Variants in USP37 observed in about 807,000 individuals in gnomAD.
USP37 encodes ubiquitin carboxyl-terminal hydrolase 37.
A neutral mutation model predicts 124.0 loss-of-function variants in USP37; 27 were observed. That is an observed-to-expected ratio of 0.22 (90% confidence interval 0.16 to 0.30). The LOEUF is 0.30. USP37 is among the 10% of genes least tolerant of loss of function. The pLI is 1.00. For synonymous variants in USP37, 365 were observed against 388.0 expected (o/e 0.94, Z 0.70); for missense variants, 889 against 1,140.4 (o/e 0.78, Z 3.17).
chr2:218,523,324 T>G (rs889898396), intron 10 of USP37, among the ~76,000 whole-genome samples: 64 of 152,302 alleles, frequency 4.2e-4, no homozygotes, highest in African/African-American at 1.4e-3. Flanking sequence ...TGGTTGATCA[T>G]CCCTAATCTG....
At chr2:218,526,303 C>T (rs1690960520) in intron 10 of USP37, among the ~76,000 whole-genome samples, 2 of 151,968 alleles carry the variant, frequency 1.3e-5, no homozygotes, top group Non-Finnish European at 2.9e-5. Context: ...GCAATCTTGG[C>T]TCACTGCAAC....
At chr2:218,525,688 A>G (rs1338223687) in intron 10 of USP37, among the ~76,000 whole-genome samples, 1 of 151,996 alleles carries the variant, frequency 6.6e-6, no homozygotes, top group Non-Finnish European at 1.5e-5. Context: ...TTACAATATA[A>G]ATTTTTTTCT....
intron 20 of USP37, among the ~76,000 whole-genome samples, chr2:218,470,892 G>A (rs760576827): frequency 9.9e-5 from 15 of 152,160 alleles, no homozygotes; most frequent in Non-Finnish European, 1.9e-4. Flanking sequence ...AAAGCAAGAT[G>A]GTGCCTGCCC....
rs1689532173 is a variant in USP37 at position 218,453,095 on chromosome 2, G to A, written c.*1835C>T. 6.6e-6 allele frequency: 1 copy of A among 152,184 alleles called. No homozygotes were observed. The highest frequency in any genetic ancestry group is 1.5e-5 in the Non-Finnish European group (1 of 68,040). The allele number at this position is 152,184 out of a possible 1,614,324, so 9.4% of individuals were successfully genotyped here. On this transcript the variant is annotated 3_prime_UTR_variant, in exon 26 of 26. Coordinates refer to ENST00000258399, the MANE Select transcript of USP37 (RefSeq NM_020935.3). ...GGAGGCAAAGCATTTATCAGTAGTT[G>A]AGCAAAACTGCTGAGGCCATTTATA...
intron 23 of USP37, among the ~76,000 whole-genome samples, chr2:218,459,500 C>T (rs539875106): frequency 9.7e-4 from 147 of 152,324 alleles, no homozygotes; most frequent in Non-Finnish European, 1.8e-3. Flanking sequence ...CCACCATGCC[C>T]GGCCAACTAA....
chr2:218,462,848 A>G (rs527359120), intron 22 of USP37, among the ~76,000 whole-genome samples: 43 of 152,186 alleles, frequency 2.8e-4, no homozygotes, highest in African/African-American at 8.7e-4. Flanking sequence ...GTTACTTCTA[A>G]GGTTCTATTT....
intron 8 of USP37, among the ~76,000 whole-genome samples, chr2:218,537,874 C>T (rs1464972854): frequency 1.3e-5 from 2 of 152,156 alleles, no homozygotes; most frequent in South Asian, 2.1e-4. Context: ...TGGCATACTA[C>T]TCTTGGCATA....
intron 10 of USP37, among the ~76,000 whole-genome samples, chr2:218,520,445 G>A (rs1690545873): frequency 6.6e-6 from 1 of 151,036 alleles, no homozygotes. Context: ...CACCTCCCAG[G>A]TTCAAGCGAT....
At chr2:218,510,192 T>C (rs1349729390) in intron 10 of USP37, 52 bp from the exon 11 acceptor site, 1 of 1,567,668 alleles carries the variant, frequency 6.4e-7, no homozygotes, top group Admixed American at 2.0e-5. Context: ...TGAATACTAC[T>C]ATTTTCCTTG....
chr2:218,463,564 C>T (rs1690146321), intron 21 of USP37, among the ~76,000 whole-genome samples, 198 bp from the exon 22 acceptor site: 1 of 119,826 alleles, frequency 8.3e-6, no homozygotes, highest in South Asian at 2.7e-4. Flanking sequence ...GAGACGGAGT[C>T]TCGCTCTGTC....
At chr2:218,546,328 A>T in intron 7 of USP37, 30 bp from the exon 8 acceptor site, 3 of 1,524,894 alleles carry the variant, frequency 2.0e-6, no homozygotes, top group Non-Finnish European at 2.7e-6. Flanking sequence ...GGTTACTTTT[A>T]AAAAGCCACA....
intron 4 of USP37, among the ~76,000 whole-genome samples, chr2:218,557,717 A>AG (rs1693080128): frequency 6.9e-6 from 1 of 145,568 alleles, no homozygotes; most frequent in Non-Finnish European, 1.5e-5. Flanking sequence ...TCACGAGGTC[A>AG]GGAGTTCAAG....
chr2:218,552,718 A>T (rs1692733130), intron 5 of USP37, among the ~76,000 whole-genome samples: 1 of 152,192 alleles, frequency 6.6e-6, no homozygotes, highest in Non-Finnish European at 1.5e-5. Flanking sequence ...ATACCATGTG[A>T]TTTTTTTACA....
Position 218,562,813 on chromosome 2 carries a change from G to A in USP37, c.-229C>T, listed in dbSNP as rs1230644221. The stretch of plus-strand genomic sequence containing the variant: ...CAGTTCTCCGGAAGCCATCAACTCA[G>A]CTAAAGAAAATAAAAATGTGCTTTT... On this transcript the variant is annotated splice_region_variant and 5_prime_UTR_variant, in exon 2 of 26. Coordinates refer to ENST00000258399, the MANE Select transcript of USP37 (RefSeq NM_020935.3). The A allele has an allele frequency of 5.0e-6, 2 of 398,270 alleles. No homozygotes were observed. Among genetic ancestry groups the A allele is most frequent in the Non-Finnish European group, 8.8e-6 (2 of 226,008 alleles). 24.7% of individuals were successfully genotyped at this position (398,270 alleles called of 1,614,324 possible). A position where few individuals can be genotyped will look rare whatever the true frequency, so the allele number is the denominator to read the frequency against.
At chr2:218,488,264 TA>T (rs1484657607) in intron 15 of USP37, 39 bp downstream of exon 15, 12 of 1,306,762 alleles carry the variant, frequency 9.2e-6, no homozygotes, top group Non-Finnish European at 1.3e-5. Flanking sequence ...ATCAATGATA[TA>T]AAATTTAGTT....
Position 218,534,664 on chromosome 2 carries a change from G to T in USP37, c.723C>A (p.Thr241=), listed in dbSNP as rs1180744544. The change falls in exon 9 of 26, where the codon ACC becomes ACA. Residue 241 remains threonine, a synonymous_variant. Transcript: ENST00000258399. ...AMTDPSRKYL[T]SSREKQLSLK... ...AACTCAGCTGCTTTTCTCTACTGCT[G>T]GTTAAATACTTTCTGGAGGGATCTG... is the stretch of plus-strand genomic sequence containing the variant. 6.2e-7 allele frequency: 1 copy of T among 1,610,282 alleles called. No individual in the cohort carries two copies. Among genetic ancestry groups the T allele is most frequent in the Non-Finnish European group, 8.5e-7 (1 of 1,178,150 alleles).
chr2:218,450,650 T>A lies in USP37; in HGVS notation c.*4280A>T, dbSNP rs944447903. The A allele has an allele frequency of 1.3e-5, 2 of 152,496 alleles. No homozygotes were observed. Among genetic ancestry groups the A allele is most frequent in the Non-Finnish European group, 2.9e-5 (2 of 68,042 alleles). 9.4% of individuals were successfully genotyped at this position (152,496 alleles called of 1,614,324 possible). On this transcript the variant is annotated 3_prime_UTR_variant, in exon 26 of 26. Coordinates refer to ENST00000258399, the MANE Select transcript of USP37 (RefSeq NM_020935.3). ...TGTGCACACCCACATGTGGTCTCAC[T>A]CTTCACACAGGCCCACTATTTTTGA...
chr2:218,528,859 TGGCAATTAAATATCCAA>T, intron 10 of USP37: 1 of 313,140 alleles, frequency 3.2e-6, no homozygotes, highest in East Asian at 4.7e-5. Context: ...TCTATAGAAT[TGGCAATTAAATATCCAA>T]CTAGCCTTTT....
chr2:218,527,083 C>T (rs576753857), intron 10 of USP37, among the ~76,000 whole-genome samples: 124 of 152,316 alleles, frequency 8.1e-4, no homozygotes, highest in Non-Finnish European at 1.1e-3. Context: ...CCACCGCGCC[C>T]GGCCTGCTTT....
Sources: allele counts gnomAD v4.1 joint callset (sites outside exome capture counted in the v4.1 genomes callset), GRCh38; gene constraint gnomAD v4.1.1; transcripts MANE v1.5; gene names NCBI Gene and HGNC (gene_info 2026-07-23, HGNC 2026-07-21).